Variants in CLPX observed in about 807,000 individuals in gnomAD.
CLPX encodes the protein ATP-dependent clpX-like chaperone, mitochondrial.
In CLPX, 34 loss-of-function variants were observed where a neutral mutation model predicts 76.4. That is an observed-to-expected ratio of 0.45 (90% CI 0.34 to 0.59). The LOEUF is 0.59. Among genes scored for constraint, CLPX ranks in the 20% least tolerant of loss-of-function variants. CLPX has a pLI of 0.01. For missense variants in CLPX, 613 were observed against 757.0 expected (o/e 0.81, Z 2.23); for synonymous variants, 248 against 270.9 (o/e 0.92, Z 0.83).
Position 65,164,120 on chromosome 15 carries a change from C to T in CLPX, c.582G>A (p.Val194=), listed in dbSNP as rs201601207. ...TATATATTCTCTTATAATGATTGTA[C>T]ACAGCAACTGAAAGCACCTTCTTAG... The part of the protein sequence containing the change: ...SFAKKVLSVA[V]YNHYKRIYNN... Residue 194 remains valine, a synonymous_variant, in exon 5 of 14, where the codon GTG becomes GTA. Transcript: ENST00000300107. The T allele has an allele frequency of 4.3e-6, 7 of 1,613,128 alleles. No individual in the cohort carries two copies. The highest frequency in any genetic ancestry group is 5.9e-6 in the Non-Finnish European group (7 of 1,179,614).
At chr15:65,170,363 TTAAATA>T (rs1415045955) in intron 3 of CLPX, among the ~76,000 whole-genome samples, 2 of 152,058 alleles carry the variant, frequency 1.3e-5, no homozygotes, top group African/African-American at 4.8e-5. Context: ...TGGGAAAATT[TTAAATA>T]TAAATATCTA....
Position 65,154,995 on chromosome 15 carries a change from C to A in CLPX, c.1398G>T (p.Ser466=). 6.2e-7 allele frequency: 1 copy of A among 1,614,062 alleles called. No homozygotes were observed. The highest frequency in any genetic ancestry group is 1.1e-5 in the South Asian group (1 of 91,078). Residue 466 remains serine (S), a synonymous_variant, in exon 11 of 14, where the codon TCG becomes TCT. Coordinates refer to ENST00000300107, the MANE Select transcript of CLPX (RefSeq NM_006660.5). ...AADLANRSGE[S]NTHQDIEEKD... is the part of the protein sequence containing the mutation. ...TTTCTTCAATGTCTTGGTGAGTATTCGATTCCCCACTTCGATTAGCAAGGT... is the reference window on the plus strand; with the variant it reads ...TTTCTTCAATGTCTTGGTGAGTATTAGATTCCCCACTTCGATTAGCAAGGT...
At chr15:65,160,605 TCTCTCTCTCTCTCTCTCTCA>T (rs1320967607) in intron 6 of CLPX, among the ~76,000 whole-genome samples, 1 of 124,570 alleles carries the variant, frequency 8.0e-6, no homozygotes, top group Non-Finnish European at 1.6e-5. Context: ...TCTCTCTCTC[TCTCTCTCTCTCTCTCTCTCA>T]CACACACACA....
intron 12 of CLPX, among the ~76,000 whole-genome samples, chr15:65,152,832 G>A (rs1374028921): frequency 6.6e-6 from 1 of 151,428 alleles, no homozygotes; most frequent in Non-Finnish European, 1.5e-5. Flanking sequence ...CCTGAGCTCA[G>A]GCAATCCGCC....
chr15:65,181,680 C>A (rs1011480014), intron 1 of CLPX, among the ~76,000 whole-genome samples: 2 of 151,690 alleles, frequency 1.3e-5, no homozygotes, highest in African/African-American at 4.8e-5. Context: ...TTGAACGAGG[C>A]AGAGGTTGCA....
intron 1 of CLPX, among the ~76,000 whole-genome samples, chr15:65,181,746 C>T (rs918429214): frequency 2.4e-5 from 3 of 127,140 alleles, no homozygotes; most frequent in South Asian, 2.7e-4. Context: ...GAGGCTCTGT[C>T]GCAAAATAAA....
At position 65,184,704 on chromosome 15, in the gene CLPX, G is replaced by C. The variant is rs529579682; in HGVS notation, c.79+371C>G. Among the ~76,000 whole-genome samples, 113 of 152,352 alleles carry C rather than the reference G, an allele frequency of 7.4e-4. 1 individual carries two copies. The East Asian group carries it at 0.021, about 29-fold the overall frequency. On this transcript the variant is annotated intron_variant, in intron 1 of 13. Coordinates refer to ENST00000300107, the MANE Select transcript of CLPX (RefSeq NM_006660.5). The stretch of plus-strand genomic sequence containing the variant: ...CCGGCCAGGCTGCGGAAGAAGAGCC[G>C]CAGCCATGGCAGGCGGCGGTCCCCG...
At position 65,149,576 on chromosome 15, in the gene CLPX, A is replaced by G. The variant is rs1052747760; in HGVS notation, c.*1247T>C. The G allele has an allele frequency of 1.3e-5, 6 of 453,702 alleles. No homozygotes were observed. In the East Asian group the frequency reaches 2.8e-4, roughly 21 times the overall value. The allele number at this position is 453,702 out of a possible 1,614,324, so 28.1% of individuals were successfully genotyped here. ...TACTAAAATGGATTAAAGATGGTAA[A>G]TAAGGCCGGGTGTGGTGGCTTACGC... On this transcript the variant is annotated 3_prime_UTR_variant, in exon 14 of 14. Transcript: ENST00000300107.
At chr15:65,162,569 A>G (rs1198391882) in intron 6 of CLPX, 35 bp downstream of exon 6, 2 of 1,448,876 alleles carry the variant, frequency 1.4e-6, no homozygotes, top group Admixed American at 3.5e-5. Flanking sequence ...GTCAAAAGGA[A>G]GAATGATTAC....
intron 3 of CLPX, among the ~76,000 whole-genome samples, chr15:65,178,617 C>T (rs1216765713): frequency 6.6e-6 from 1 of 151,450 alleles, no homozygotes; most frequent in Non-Finnish European, 1.5e-5. Flanking sequence ...GGATGGGGTA[C>T]AGTGGCATGA....
At chr15:65,162,336 G>C (rs1441596818) in intron 6 of CLPX, among the ~76,000 whole-genome samples, 1 of 152,032 alleles carries the variant, frequency 6.6e-6, no homozygotes, top group Non-Finnish European at 1.5e-5. Flanking sequence ...AAATTCCTGT[G>C]ACCCACAAGA....
Position 65,149,563 on chromosome 15 carries a change from T to C in CLPX, c.*1260A>G. 1 of 453,606 alleles carries C rather than the reference T, an allele frequency of 2.2e-6. No homozygotes were observed. Among genetic ancestry groups the C allele is most frequent in the Non-Finnish European group, 4.4e-6 (1 of 226,002 alleles). The allele number at this position is 453,606 out of a possible 1,614,324, so 28.1% of individuals were successfully genotyped here. A position where few individuals can be genotyped will look rare whatever the true frequency, so the allele number is the denominator to read the frequency against. ...TACTCACCCATAGTACTAAAATGGA[T>C]TAAAGATGGTAAATAAGGCCGGGTG... is the stretch of plus-strand genomic sequence containing the variant. On this transcript the variant is annotated 3_prime_UTR_variant, in exon 14 of 14. Transcript: ENST00000300107.
intron 12 of CLPX, 86 bp from the exon 13 acceptor site, chr15:65,152,622 T>C (rs2087736719): frequency 2.1e-6 from 1 of 469,052 alleles, no homozygotes; most frequent in Non-Finnish European, 3.5e-6. Context: ...TGGAATCCAT[T>C]CACTCAAGGA....
chr15:65,184,850 A>G (rs2088233063), intron 1 of CLPX, among the ~76,000 whole-genome samples: 1 of 152,276 alleles, frequency 6.6e-6, no homozygotes, highest in African/African-American at 2.4e-5. Flanking sequence ...GCGTGCAGGC[A>G]GGCGCGTGGG....
At chr15:65,162,777 G>A (rs927114984) in intron 5 of CLPX, 132 bp from the exon 6 acceptor site, 14 of 564,908 alleles carry the variant, frequency 2.5e-5, no homozygotes, top group Non-Finnish European at 4.1e-5. Flanking sequence ...TTTCATATAT[G>A]CTATATCTTT....
rs1172540845 is a variant in CLPX, at chr15:65,185,168, G to A, written c.-15C>T. On this transcript the variant is annotated 5_prime_UTR_variant, in exon 1 of 14. Transcript: ENST00000300107. ...CAGCTGGGCATCTCCGCGAGGCCTA[G>A]GCCGGGGCTTCGCCCCCTGAGGACC... 1.9e-6 allele frequency: 3 copies of A among 1,556,052 alleles called. No homozygotes were observed. The Admixed American group carries it at 5.9e-5, about 30-fold the overall frequency.
chr15:65,153,242 G>C (rs1418581650), intron 12 of CLPX, among the ~76,000 whole-genome samples: 2 of 151,812 alleles, frequency 1.3e-5, no homozygotes, highest in Non-Finnish European at 2.9e-5. Context: ...CTGAGGTTAG[G>C]AGTTTGAGAC....
intron 12 of CLPX, among the ~76,000 whole-genome samples, chr15:65,152,944 G>A (rs1301707023): frequency 2.0e-5 from 3 of 151,016 alleles, no homozygotes; most frequent in Non-Finnish European, 3.0e-5. Context: ...AGAGATGAGG[G>A]TGTATGTTGC....
intron 3 of CLPX, among the ~76,000 whole-genome samples, chr15:65,172,913 G>A (rs1437004797): frequency 6.6e-6 from 1 of 152,114 alleles, no homozygotes; most frequent in Non-Finnish European, 1.5e-5. Flanking sequence ...TATTCAGGAT[G>A]CTGAGGTGGG....
Sources: gnomAD v4.1 joint callset for allele counts (sites outside exome capture counted in the v4.1 genomes callset) on GRCh38, gnomAD v4.1.1 for gene constraint, MANE v1.5 for transcripts, NCBI Gene and HGNC (gene_info 2026-07-23, HGNC 2026-07-21) for gene names.